The following BMERB1 variants were observed in gnomAD, a reference collection of about 807,000 sequenced individuals.
BMERB1 encodes bMERB domain containing 1.
A neutral mutation model predicts 23.6 loss-of-function variants in BMERB1; 12 were observed. The observed-to-expected ratio is 0.51, with a 90% confidence interval of 0.33 to 0.82. The LOEUF is 0.82. BMERB1 is among the 40% of genes least tolerant of loss of function. BMERB1 has a pLI of 0.03. For missense variants in BMERB1, 247 were observed against 255.4 expected (o/e 0.97, Z 0.22); for synonymous variants, 122 against 96.6 (o/e 1.26, Z -1.54).
rs1406426359 is a variant in BMERB1, at chr16:15,446,587, T to C, written c.106+11828T>C. ...ACTGAGGCTTACAGAGGTTAAGCAA[T>C]TGGCCCAATGTCACTCCACTGATAA... On this transcript the variant is annotated intron_variant, in intron 1 of 5. Transcript: ENST00000300006. Among the ~76,000 whole-genome samples, 6 of 152,180 alleles carry C rather than the reference T, an allele frequency of 3.9e-5. No individual in the cohort carries two copies. The South Asian group carries it at 1.0e-3, about 26-fold the overall frequency.
chr16:15,455,553 C>T (rs866919645), intron 1 of BMERB1, among the ~76,000 whole-genome samples: 5 of 151,788 alleles, frequency 3.3e-5, no homozygotes, highest in African/African-American at 4.8e-5. Context: ...CTCCGCCTCA[C>T]GGGTTCACGC....
At chr16:15,547,852 C>A (rs2029968671) in intron 2 of BMERB1, among the ~76,000 whole-genome samples, 1 of 152,182 alleles carries the variant, frequency 6.6e-6, no homozygotes, top group Admixed American at 6.5e-5. Flanking sequence ...GCCACTTAAC[C>A]TCTCTGAGCT....
intron 3 of BMERB1, among the ~76,000 whole-genome samples, chr16:15,577,905 A>G (rs747958254): frequency 1.3e-5 from 2 of 152,046 alleles, no homozygotes; most frequent in South Asian, 2.1e-4. Flanking sequence ...CAGTTGCCCA[A>G]CTCCTGAGAT....
At chr16:15,465,926 A>AT (rs1188318493) in intron 1 of BMERB1, among the ~76,000 whole-genome samples, 1 of 152,140 alleles carries the variant, frequency 6.6e-6, no homozygotes, top group Non-Finnish European at 1.5e-5. Context: ...AATTCTTTTA[A>AT]TTTTTTAACT....
chr16:15,547,717 A>G (rs1447497494), intron 2 of BMERB1, among the ~76,000 whole-genome samples: 1 of 152,140 alleles, frequency 6.6e-6, no homozygotes, highest in Non-Finnish European at 1.5e-5. Flanking sequence ...GGCCTGCGTT[A>G]GTGAGACCTG....
intron 3 of BMERB1, among the ~76,000 whole-genome samples, chr16:15,576,492 A>C (rs1165869311): frequency 6.6e-6 from 1 of 152,174 alleles, no homozygotes; most frequent in Non-Finnish European, 1.5e-5. Flanking sequence ...AAGCTTATGT[A>C]AGCACAAAAC....
rs555471979 is a variant in BMERB1, at chr16:15,541,320, G to A, written c.230+25892G>A. ...ACACCAGTGTGTCCACCAACCTAGAGGCTCCCTGGATCTCACTGTTCAAGA... is the reference window on the plus strand; with the variant it reads ...ACACCAGTGTGTCCACCAACCTAGAAGCTCCCTGGATCTCACTGTTCAAGA... On this transcript the variant is annotated intron_variant, in intron 2 of 5. Coordinates refer to ENST00000300006, the MANE Select transcript of BMERB1 (RefSeq NM_033201.3). 3.9e-5 allele frequency among the ~76,000 whole-genome samples: 6 copies of A among 152,070 alleles called. No individual in the cohort carries two copies. In the South Asian group the frequency reaches 1.0e-3, roughly 26 times the overall value.
chr16:15,558,388 A>G (rs186554659), intron 2 of BMERB1, among the ~76,000 whole-genome samples: 1 of 152,180 alleles, frequency 6.6e-6, no homozygotes, highest in Non-Finnish European at 1.5e-5. Context: ...AGGAAAAGTG[A>G]GGTCATTGGC....
rs772973868 is a variant in BMERB1, at chr16:15,549,061, G to A, written c.231-18922G>A. On this transcript the variant is annotated intron_variant, in intron 2 of 5. Coordinates refer to ENST00000300006, the MANE Select transcript of BMERB1 (RefSeq NM_033201.3). ...TCAGCTGAAAGGAATGACTGCGGCCGGATGTGGTGGTTCATGCCTGTAATC... is the reference window on the plus strand; with the variant it reads ...TCAGCTGAAAGGAATGACTGCGGCCAGATGTGGTGGTTCATGCCTGTAATC... Among the ~76,000 whole-genome samples, 12 of 152,194 alleles carry A rather than the reference G, an allele frequency of 7.9e-5. 1 individual carries two copies. The highest frequency in any genetic ancestry group is 1.5e-4 in the Non-Finnish European group (10 of 68,046).
chr16:15,509,585 T>C (rs1025553084), intron 1 of BMERB1, among the ~76,000 whole-genome samples: 2 of 152,154 alleles, frequency 1.3e-5, no homozygotes, highest in South Asian at 2.1e-4. Context: ...TAGTGTCAAA[T>C]GAGGATTTCT....
At chr16:15,582,863 G>C (rs1200384573) in intron 4 of BMERB1, among the ~76,000 whole-genome samples, 1 of 152,116 alleles carries the variant, frequency 6.6e-6, no homozygotes, top group African/African-American at 2.4e-5. Context: ...GGTCAGGAGA[G>C]GTGCTGCCTC....
At chr16:15,528,252 C>T (rs1031464183) in intron 2 of BMERB1, among the ~76,000 whole-genome samples, 1 of 152,048 alleles carries the variant, frequency 6.6e-6, no homozygotes, top group Non-Finnish European at 1.5e-5. Flanking sequence ...CGCCTTGCTT[C>T]TGTGATCTCC....
intron 1 of BMERB1, among the ~76,000 whole-genome samples, chr16:15,465,252 A>G (rs1212068982): frequency 6.6e-6 from 1 of 152,142 alleles, no homozygotes; most frequent in Non-Finnish European, 1.5e-5. Flanking sequence ...AACGGATATA[A>G]ATCAGCAATT....
rs376342454 is a variant in BMERB1, at chr16:15,515,323, C to A, written c.125C>A (p.Ser42Tyr). ...RLGRNQLDIISMAETTMMPEE... is the reference protein window; with the variant it reads ...RLGRNQLDIIYMAETTMMPEE... ...TGCACAGATCAGCTGGACATCATCT[C>A]CATGGCGGAGACAACCATGATGCCA... The change falls in exon 2 of 6, where the codon TCC becomes TAC. Residue 42 changes from serine to tyrosine, a missense_variant. Transcript: ENST00000300006. The A allele has an allele frequency of 8.7e-6, 14 of 1,613,668 alleles. No homozygotes were observed. Among genetic ancestry groups the A allele is most frequent in the Non-Finnish European group, 1.0e-5 (12 of 1,179,988 alleles).
chr16:15,447,124 G>A (rs1422220706), intron 1 of BMERB1, among the ~76,000 whole-genome samples: 1 of 152,158 alleles, frequency 6.6e-6, no homozygotes, highest in African/African-American at 2.4e-5. Flanking sequence ...GATAATAACA[G>A]GATCTGCCCC....
At chr16:15,503,368 G>A (rs975891510) in intron 1 of BMERB1, among the ~76,000 whole-genome samples, 6 of 151,616 alleles carry the variant, frequency 4.0e-5, no homozygotes, top group South Asian at 2.1e-4. Flanking sequence ...TGCAAACTCC[G>A]CCTCCCGGGT....
At chr16:15,556,894 A>G (rs1053604505) in intron 2 of BMERB1, among the ~76,000 whole-genome samples, 4 of 152,138 alleles carry the variant, frequency 2.6e-5, no homozygotes, top group Non-Finnish European at 4.4e-5. Flanking sequence ...CAGACATGAC[A>G]TCTTTTTCTC....
chr16:15,481,568 C>T (rs915302632), intron 1 of BMERB1, among the ~76,000 whole-genome samples: 1 of 151,716 alleles, frequency 6.6e-6, no homozygotes, highest in African/African-American at 2.4e-5. Context: ...CTACTACCAG[C>T]GATTTGTCAC....
chr16:15,525,301 C>T (rs1315608198), intron 2 of BMERB1, among the ~76,000 whole-genome samples: 1 of 152,142 alleles, frequency 6.6e-6, no homozygotes, highest in African/African-American at 2.4e-5. Flanking sequence ...AGCCTGCCAG[C>T]CTTTGGACTG....
Sources: gnomAD v4.1 joint callset for allele counts (sites outside exome capture counted in the v4.1 genomes callset) on GRCh38, gnomAD v4.1.1 for gene constraint, MANE v1.5 for transcripts, NCBI Gene and HGNC (gene_info 2026-07-23, HGNC 2026-07-21) for gene names.